Variants in UNC5D observed in about 807,000 individuals in gnomAD.
UNC5D encodes the protein netrin receptor UNC5D.
In UNC5D, 39 loss-of-function variants were observed where a neutral mutation model predicts 105.4. The observed-to-expected ratio is 0.37, with a 90% CI of 0.29 to 0.48. The LOEUF is 0.48. UNC5D is among the 20% of genes least tolerant of loss of function. The pLI is 0.98. For synonymous variants in UNC5D, 452 were observed against 450.4 expected (o/e 1.00, Z -0.04); for missense variants, 991 against 1,202.4 (o/e 0.82, Z 2.60).
At chr8:35,658,261 G>C (rs917724035) in intron 4 of UNC5D, among the ~76,000 whole-genome samples, 1 of 152,188 alleles carries the variant, frequency 6.6e-6, no homozygotes, top group South Asian at 2.1e-4. Context: ...TTAAGTGGAA[G>C]TATATTGTGT....
At chr8:35,258,872 G>C (rs898909129) in intron 1 of UNC5D, among the ~76,000 whole-genome samples, 5 of 152,100 alleles carry the variant, frequency 3.3e-5, no homozygotes, top group African/African-American at 9.7e-5. Context: ...AGTTTACCCA[G>C]AGGAAGTGAT....
chr8:35,695,537 T>C (rs757318130), intron 7 of UNC5D, among the ~76,000 whole-genome samples: 72 of 151,822 alleles, frequency 4.7e-4, no homozygotes, highest in Non-Finnish European at 7.9e-4. Flanking sequence ...CTCTGTCTCT[T>C]AAAAATAAAA....
At chr8:35,469,673 T>C (rs972474023) in intron 1 of UNC5D, among the ~76,000 whole-genome samples, 1 of 152,188 alleles carries the variant, frequency 6.6e-6, no homozygotes, top group Non-Finnish European at 1.5e-5. Context: ...ATCTATGTAA[T>C]ATTTCCATTT....
intron 1 of UNC5D, among the ~76,000 whole-genome samples, chr8:35,530,931 C>G (rs1288893242): frequency 1.4e-5 from 2 of 143,978 alleles, no homozygotes; most frequent in Non-Finnish European, 3.0e-5. Context: ...TTTGATTCTT[C>G]TCTCTTTTTT....
chr8:35,470,807 T>A (rs148610795), intron 1 of UNC5D, among the ~76,000 whole-genome samples: 26 of 130,522 alleles, frequency 2.0e-4, no homozygotes, highest in Middle Eastern at 3.8e-3. Flanking sequence ...AATAAATAAA[T>A]AAATAAAATA....
chr8:35,366,698 A>C (rs1469266453), intron 1 of UNC5D, among the ~76,000 whole-genome samples: 5 of 152,072 alleles, frequency 3.3e-5, no homozygotes, highest in Non-Finnish European at 7.4e-5. Flanking sequence ...AGGATGCTGG[A>C]TAATGTGCAT....
chr8:35,247,239 G>A (rs202207517), intron 1 of UNC5D, among the ~76,000 whole-genome samples: 1 of 140,586 alleles, frequency 7.1e-6, no homozygotes, highest in Non-Finnish European at 1.5e-5. Context: ...TTATTTAAAT[G>A]TTTATATTTT....
rs868726336 is a variant in UNC5D, at chr8:35,549,298, A to T, written c.110A>T (p.Asp37Val). ...GTCTTTTTTGATTTCACAGGAACTG[A>T]CAATGGCGAAGCCCTTCCCGAATCC... The part of the protein sequence containing the change: ...AAGTAAARGT[D>V]NGEALPESIP... Residue 37 changes from aspartate (D) to valine (V), a missense_variant, in exon 2 of 17, where the codon GAC (aspartate) becomes GTC (valine). Coordinates refer to ENST00000404895, the MANE Select transcript of UNC5D (RefSeq NM_080872.4). 6.2e-7 allele frequency: 1 copy of T among 1,613,018 alleles called. No homozygotes were observed. The highest frequency in any genetic ancestry group is 2.0e-4 in the Middle Eastern group (1 of 5,110).
intron 9 of UNC5D, among the ~76,000 whole-genome samples, chr8:35,724,930 C>T (rs1230763099): frequency 6.6e-6 from 1 of 151,340 alleles, no homozygotes; most frequent in African/African-American, 2.5e-5. Context: ...ACAACACACT[C>T]ATGCATGGAA....
chr8:35,744,279 CT>C (rs2131617791), intron 11 of UNC5D, among the ~76,000 whole-genome samples: 1 of 152,310 alleles, frequency 6.6e-6, no homozygotes, highest in East Asian at 1.9e-4. Flanking sequence ...GGAACGTTAA[CT>C]TGGTCATTCA....
intron 1 of UNC5D, among the ~76,000 whole-genome samples, chr8:35,540,576 G>A (rs1815206825): frequency 6.6e-6 from 1 of 151,922 alleles, no homozygotes; most frequent in Admixed American, 6.6e-5. Context: ...GTGACCCAGA[G>A]AAAAATACCT....
chr8:35,382,060 A>G (rs1383571001), intron 1 of UNC5D, among the ~76,000 whole-genome samples: 1 of 152,260 alleles, frequency 6.6e-6, no homozygotes, highest in East Asian at 1.9e-4. Context: ...GGGATTTAAA[A>G]ATAACTTTGT....
At chr8:35,610,898 ACT>A (rs1295348828) in intron 4 of UNC5D, among the ~76,000 whole-genome samples, 1 of 151,006 alleles carries the variant, frequency 6.6e-6, no homozygotes, top group Non-Finnish European at 1.5e-5. Context: ...AAGCCAACAG[ACT>A]CTGGCTACTA....
chr8:35,750,491 T>C, intron 12 of UNC5D, 91 bp from the exon 13 acceptor site: 1 of 1,335,970 alleles, frequency 7.5e-7, no homozygotes, highest in Non-Finnish European at 1.1e-6. Context: ...CAAATTTATA[T>C]TTGTGTGTTT....
chr8:35,584,282 T>C (rs1034357437), intron 3 of UNC5D, among the ~76,000 whole-genome samples: 1 of 151,994 alleles, frequency 6.6e-6, no homozygotes, highest in African/African-American at 2.4e-5. Context: ...ATTAGGGCAA[T>C]AGCGAGAGGG....
chr8:35,488,735 T>C (rs1452064734), intron 1 of UNC5D, among the ~76,000 whole-genome samples: 1 of 152,256 alleles, frequency 6.6e-6, no homozygotes, highest in Non-Finnish European at 1.5e-5. Flanking sequence ...ATGTCTGTCT[T>C]ATGCATATCC....
At chr8:35,346,456 A>T (rs983046453) in intron 1 of UNC5D, among the ~76,000 whole-genome samples, 5 of 152,048 alleles carry the variant, frequency 3.3e-5, no homozygotes, top group African/African-American at 1.2e-4. Flanking sequence ...ATGGTTGCAC[A>T]GTCCGTATGT....
At chr8:35,669,894 A>C (rs1293099231) in intron 4 of UNC5D, among the ~76,000 whole-genome samples, 1 of 152,196 alleles carries the variant, frequency 6.6e-6, no homozygotes, top group Non-Finnish European at 1.5e-5. Context: ...CTGAGTAGTA[A>C]GTCTCTGAGT....
At chr8:35,688,597 T>C (rs1055951460) in intron 7 of UNC5D, among the ~76,000 whole-genome samples, 1 of 152,232 alleles carries the variant, frequency 6.6e-6, no homozygotes, top group African/African-American at 2.4e-5. Context: ...AGTTTGGGTA[T>C]GCTCTCCAAT....
Sources: allele counts gnomAD v4.1 joint callset (sites outside exome capture counted in the v4.1 genomes callset), GRCh38; gene constraint gnomAD v4.1.1; transcripts MANE v1.5; gene names NCBI Gene and HGNC (gene_info 2026-07-23, HGNC 2026-07-21).